The following GPR149 variants were observed in gnomAD, a reference collection of about 807,000 sequenced individuals.
GPR149 encodes G protein-coupled receptor 149.
Under a neutral mutation model 50.2 loss-of-function variants are expected in GPR149, and 50 were observed. The observed-to-expected ratio is 1.00, with a 90% CI of 0.79 to 1.26. The LOEUF (loss-of-function observed/expected upper bound fraction) is 1.26, where lower values mean the gene tolerates loss of function less well. Ranked by LOEUF, GPR149 falls within the 50% of genes most tolerant of loss-of-function variation. GPR149 has a pLI of 0.00. For missense variants in GPR149, 983 were observed against 895.4 expected, an observed-to-expected ratio of 1.10 and a Z score of -1.25; for synonymous variants, 405 against 358.2, an observed-to-expected ratio of 1.13 and a Z score of -1.48.
At chr3:154,369,518 C>T (rs1476653889) in intron 3 of GPR149, among the ~76,000 whole-genome samples, 2 of 152,188 alleles carry the variant, frequency 1.3e-5, no homozygotes, top group Non-Finnish European at 2.9e-5. Flanking sequence ...CACTCTCCTC[C>T]CCAACTGACT....
At chr3:154,400,305 A>G (rs1163788074) in intron 3 of GPR149, among the ~76,000 whole-genome samples, 1 of 152,168 alleles carries the variant, frequency 6.6e-6, no homozygotes, top group African/African-American at 2.4e-5. Flanking sequence ...AATTATTTAC[A>G]AATTATCATA....
chr3:154,361,919 A>C (rs1714415551), intron 3 of GPR149, among the ~76,000 whole-genome samples: 1 of 152,202 alleles, frequency 6.6e-6, no homozygotes, highest in Non-Finnish European at 1.5e-5. Flanking sequence ...AAAAAGATAC[A>C]TTTATAGTCT....
At chr3:154,400,079 C>T (rs1373209627) in intron 3 of GPR149, among the ~76,000 whole-genome samples, 2 of 152,114 alleles carry the variant, frequency 1.3e-5, no homozygotes, top group East Asian at 3.9e-4. Flanking sequence ...CTCCGCCTCC[C>T]GGGTTCACGC....
At chr3:154,370,003 C>T (rs879457502) in intron 3 of GPR149, among the ~76,000 whole-genome samples, 5 of 152,116 alleles carry the variant, frequency 3.3e-5, no homozygotes, top group African/African-American at 9.7e-5. Flanking sequence ...AGATTGGAGC[C>T]GCAGGCATTT....
chr3:154,390,964 A>T (rs1443277246), intron 3 of GPR149, among the ~76,000 whole-genome samples: 1 of 152,142 alleles, frequency 6.6e-6, no homozygotes, highest in Non-Finnish European at 1.5e-5. Flanking sequence ...TATACCTGAT[A>T]AAAATGATCT....
At chr3:154,392,795 T>C (rs1353201937) in intron 3 of GPR149, among the ~76,000 whole-genome samples, 4 of 151,828 alleles carry the variant, frequency 2.6e-5, no homozygotes, top group Non-Finnish European at 5.9e-5. Flanking sequence ...AAAAAACTAC[T>C]ATGAGCAACT....
chr3:154,378,820 C>A (rs1251765682), intron 3 of GPR149, among the ~76,000 whole-genome samples: 6 of 152,074 alleles, frequency 3.9e-5, no homozygotes, highest in Non-Finnish European at 7.4e-5. Context: ...TTTTGAGGAT[C>A]TTTTTATGTG....
At chr3:154,339,704 C>G (rs552984261) in intron 3 of GPR149, among the ~76,000 whole-genome samples, 1 of 146,276 alleles carries the variant, frequency 6.8e-6, no homozygotes, top group South Asian at 2.3e-4. Flanking sequence ...TATTGGAGAA[C>G]AGTTTAGATT....
intron 3 of GPR149, among the ~76,000 whole-genome samples, chr3:154,419,233 C>T (rs1712072739): frequency 6.6e-6 from 1 of 151,926 alleles, no homozygotes; most frequent in African/African-American, 2.4e-5. Flanking sequence ...TTACATAAAT[C>T]ATTTTAATTT....
chr3:154,425,218 G>A (rs1712260440), intron 2 of GPR149, among the ~76,000 whole-genome samples: 1 of 152,028 alleles, frequency 6.6e-6, no homozygotes, highest in South Asian at 2.1e-4. Context: ...AAGTTGAGAT[G>A]TATAATTATA....
intron 3 of GPR149, among the ~76,000 whole-genome samples, chr3:154,343,904 G>A (rs868733277): frequency 1.4e-4 from 22 of 152,040 alleles, no homozygotes; most frequent in South Asian, 6.2e-4. Flanking sequence ...ACTTGAGCCC[G>A]GGAGATAGAG....
chr3:154,428,347 C>G (rs1195582161), intron 1 of GPR149, among the ~76,000 whole-genome samples: 1 of 152,144 alleles, frequency 6.6e-6, no homozygotes, highest in Non-Finnish European at 1.5e-5. Context: ...GAGACAATAT[C>G]CTTGGCCACC....
intron 3 of GPR149, among the ~76,000 whole-genome samples, chr3:154,368,359 C>G (rs1714590524): frequency 6.6e-6 from 1 of 152,202 alleles, no homozygotes; most frequent in African/African-American, 2.4e-5. Flanking sequence ...CTTCATGGTA[C>G]CTTCCAGGGT....
At chr3:154,376,826 GCCTTACCATTTTACAGATGGATGC>G (rs1714802548) in intron 3 of GPR149, among the ~76,000 whole-genome samples, 1 of 152,098 alleles carries the variant, frequency 6.6e-6, no homozygotes, top group African/African-American at 2.4e-5. Flanking sequence ...TCATATCTTG[GCCTTACCATTTTACAGATGGATGC>G]CCTTGAGCAA....
chr3:154,418,926 A>G (rs1200803295), intron 3 of GPR149, among the ~76,000 whole-genome samples: 1 of 152,116 alleles, frequency 6.6e-6, no homozygotes, highest in East Asian at 1.9e-4. Context: ...GACCACAGGT[A>G]CTTTTACTAA....
At chr3:154,380,662 C>T (rs1395708303) in intron 3 of GPR149, among the ~76,000 whole-genome samples, 1 of 151,934 alleles carries the variant, frequency 6.6e-6, no homozygotes, top group African/African-American at 2.4e-5. Flanking sequence ...ATTCAAACTG[C>T]CAATATCCAA....
chr3:154,339,388 C>G (rs976460945), intron 3 of GPR149, among the ~76,000 whole-genome samples: 6 of 152,166 alleles, frequency 3.9e-5, no homozygotes, highest in African/African-American at 1.4e-4. Context: ...TAAACAGACA[C>G]TTTTTATATA....
intron 3 of GPR149, among the ~76,000 whole-genome samples, chr3:154,346,829 T>C (rs982508616): frequency 2.6e-5 from 4 of 152,108 alleles, no homozygotes; most frequent in African/African-American, 4.8e-5. Flanking sequence ...GCTCCTGACC[T>C]CAGGTAATCT....
chr3:154,423,937 G>A (rs569667151), intron 2 of GPR149, among the ~76,000 whole-genome samples: 10 of 151,742 alleles, frequency 6.6e-5, no homozygotes, highest in Non-Finnish European at 1.3e-4. Flanking sequence ...CCATGTTGGT[G>A]TGCTGCACCC....
Sources: gnomAD v4.1 joint callset for allele counts (sites outside exome capture counted in the v4.1 genomes callset) on GRCh38, gnomAD v4.1.1 for gene constraint, MANE v1.5 for transcripts, NCBI Gene and HGNC (gene_info 2026-07-23, HGNC 2026-07-21) for gene names.